The following SNX18 variants were observed in gnomAD, a reference collection of about 807,000 sequenced individuals.
SNX18 encodes the protein sorting nexin-18.
In SNX18, 35 loss-of-function variants were observed where a neutral mutation model predicts 48.7. The ratio of observed to expected loss-of-function variants is 0.72; its 90% CI spans 0.55 to 0.95. SNX18 has a LOEUF of 0.95. Ranked by LOEUF, SNX18 falls within the 40% of genes least tolerant of loss-of-function variation. The pLI, the probability that SNX18 is intolerant of heterozygous loss-of-function variation, is 0.00. For missense variants in SNX18, 824 were observed against 871.0 expected (o/e 0.95, Z 0.68); for synonymous variants, 492 against 384.7 (o/e 1.28, Z -3.26).
chr5:54,576,207 GC>G, the SNX18 span, among the ~76,000 whole-genome samples: 234 of 152,194 alleles, frequency 1.5e-3, 1 homozygote, highest in African/African-American at 5.5e-3. Context: ...TCCAGCTGAG[GC>G]CCCAGACAAG....
chr5:54,608,452 T>A, the SNX18 span, among the ~76,000 whole-genome samples: 1 of 152,198 alleles, frequency 6.6e-6, no homozygotes, highest in Non-Finnish European at 1.5e-5. Flanking sequence ...CCCAAGCTGG[T>A]CTTGAACTCC....
At chr5:54,562,024 A>T in the SNX18 span, among the ~76,000 whole-genome samples, 1 of 152,242 alleles carries the variant, frequency 6.6e-6, no homozygotes, top group Non-Finnish European at 1.5e-5. Context: ...TTAATATATG[A>T]TAAGTAATAC....
chr5:54,542,260 G>A (rs1407695599), intron 1 of SNX18, among the ~76,000 whole-genome samples: 4 of 152,156 alleles, frequency 2.6e-5, no homozygotes, highest in Non-Finnish European at 5.9e-5. Context: ...GCCTGCGTTC[G>A]TATGGCACCT....
the SNX18 span, among the ~76,000 whole-genome samples, chr5:54,560,205 A>G: frequency 1.3e-5 from 2 of 152,256 alleles, no homozygotes; most frequent in South Asian, 2.1e-4. Flanking sequence ...TATTCACAAT[A>G]ACAAAGACAT....
chr5:54,583,098 C>A, the SNX18 span, among the ~76,000 whole-genome samples: 6 of 152,118 alleles, frequency 3.9e-5, no homozygotes, highest in Admixed American at 3.9e-4. Context: ...GTTTCCCCAA[C>A]CAGATGGTAA....
intron 1 of SNX18, among the ~76,000 whole-genome samples, chr5:54,542,846 T>C (rs1762497081): frequency 1.3e-5 from 2 of 152,362 alleles, no homozygotes; most frequent in South Asian, 4.1e-4. Context: ...TGCAGTTTCT[T>C]GTTGTGTCTT....
At chr5:54,526,226 G>A (rs968891524) in intron 1 of SNX18, among the ~76,000 whole-genome samples, 8 of 151,984 alleles carry the variant, frequency 5.3e-5, no homozygotes, top group South Asian at 2.1e-4. Flanking sequence ...TGCCTCAGCC[G>A]CCCGAGTAAC....
the SNX18 span, among the ~76,000 whole-genome samples, chr5:54,590,453 G>A: frequency 6.6e-6 from 1 of 152,142 alleles, no homozygotes; most frequent in African/African-American, 2.4e-5. Flanking sequence ...CTTTTGAGCA[G>A]AAACTGCAAC....
the SNX18 span, among the ~76,000 whole-genome samples, chr5:54,617,353 T>C: frequency 1.3e-5 from 2 of 152,232 alleles, no homozygotes; most frequent in Non-Finnish European, 2.9e-5. Context: ...CCTGTTTGGT[T>C]CCACAGGAAA....
chr5:54,636,996 TA>T, the SNX18 span, among the ~76,000 whole-genome samples: 2 of 152,200 alleles, frequency 1.3e-5, no homozygotes, highest in Non-Finnish European at 2.9e-5. Context: ...TTTTTTACCT[TA>T]AATATAAAGT....
intron 1 of SNX18, among the ~76,000 whole-genome samples, chr5:54,531,698 G>A (rs1026200303): frequency 6.6e-6 from 1 of 152,196 alleles, no homozygotes; most frequent in Non-Finnish European, 1.5e-5. Flanking sequence ...CCGGACACCT[G>A]GGCCCTGCCA....
chr5:54,581,582 C>T, the SNX18 span, among the ~76,000 whole-genome samples: 3 of 152,166 alleles, frequency 2.0e-5, no homozygotes, highest in Non-Finnish European at 4.4e-5. Context: ...CCTGCTCCCA[C>T]GTTTCCCCTC....
At chr5:54,552,419 A>T in the SNX18 span, among the ~76,000 whole-genome samples, 2 of 152,338 alleles carry the variant, frequency 1.3e-5, no homozygotes, top group Admixed American at 1.3e-4. Flanking sequence ...ATGAAAAAGT[A>T]ATAAATCATC....
the SNX18 span, among the ~76,000 whole-genome samples, chr5:54,607,361 G>A: frequency 6.6e-6 from 1 of 152,140 alleles, no homozygotes; most frequent in Admixed American, 6.5e-5. Flanking sequence ...TTTTGGACCT[G>A]TTTGGGAAGC....
chr5:54,619,052 G>A, the SNX18 span, among the ~76,000 whole-genome samples: 1 of 152,130 alleles, frequency 6.6e-6, no homozygotes, highest in Non-Finnish European at 1.5e-5. Context: ...AAAATAATTA[G>A]GCATAGACAG....
chr5:54,608,060 G>T, the SNX18 span, among the ~76,000 whole-genome samples: 5 of 152,190 alleles, frequency 3.3e-5, no homozygotes, highest in Non-Finnish European at 5.9e-5. Context: ...AGGTCATATG[G>T]TACTTACATA....
chr5:54,606,890 A>G, the SNX18 span, among the ~76,000 whole-genome samples: 1 of 152,108 alleles, frequency 6.6e-6, no homozygotes, highest in South Asian at 2.1e-4. Flanking sequence ...TTGTGTATCC[A>G]CCACCACAGT....
the SNX18 span, chr5:54,645,270 C>T: frequency 6.6e-6 from 1 of 152,206 alleles, no homozygotes; most frequent in Non-Finnish European, 1.5e-5. Context: ...GTTCCAGCCA[C>T]TATACCTGGC....
At chr5:54,557,547 C>T in the SNX18 span, among the ~76,000 whole-genome samples, 1 of 152,134 alleles carries the variant, frequency 6.6e-6, no homozygotes, top group Non-Finnish European at 1.5e-5. Context: ...TTTGATTCCA[C>T]TTATATGAGG....
Sources: gnomAD v4.1 joint callset for allele counts (sites outside exome capture counted in the v4.1 genomes callset) on GRCh38, gnomAD v4.1.1 for gene constraint, MANE v1.5 for transcripts, NCBI Gene and HGNC (gene_info 2026-07-23, HGNC 2026-07-21) for gene names.